Variants in SPPL3 observed in about 807,000 individuals in gnomAD.
SPPL3 encodes signal peptide peptidase like 3.
SPPL3 carries 5 observed loss-of-function variants against 42.4 expected under a neutral mutation model. The observed-to-expected ratio is 0.12, with a 90% CI of 0.06 to 0.25. The LOEUF is 0.25. Among genes scored for constraint, SPPL3 ranks in the 10% least tolerant of loss-of-function variants. SPPL3 has a pLI of 1.00. For synonymous variants in SPPL3, 195 were observed against 181.8 expected (o/e 1.07, Z -0.58); for missense variants, 235 against 489.0 (o/e 0.48, Z 4.90).
intron 6 of SPPL3, 72 bp from the exon 7 acceptor site, chr12:120,769,131 T>C: frequency 8.1e-7 from 1 of 1,233,600 alleles, no homozygotes; most frequent in Non-Finnish European, 1.2e-6. Flanking sequence ...CCACAAGCTA[T>C]GGCCCTTCAC....
At chr12:120,785,701 T>G (rs553352161) in intron 3 of SPPL3, among the ~76,000 whole-genome samples, 1 of 151,902 alleles carries the variant, frequency 6.6e-6, no homozygotes, top group Admixed American at 6.6e-5. Context: ...CTGGGTGTGG[T>G]GGCTCATGCC....
intron 1 of SPPL3, among the ~76,000 whole-genome samples, chr12:120,854,357 A>C (rs1336736741): frequency 6.6e-6 from 1 of 152,248 alleles, no homozygotes; most frequent in Non-Finnish European, 1.5e-5. Context: ...TAAGTGTTGA[A>C]TTATATGTAT....
chr12:120,794,973 C>T (rs1055698411), intron 2 of SPPL3, among the ~76,000 whole-genome samples: 5 of 152,136 alleles, frequency 3.3e-5, no homozygotes, highest in Non-Finnish European at 7.3e-5. Flanking sequence ...TATATTGTAA[C>T]ATTCATGTAT....
At position 120,766,249 on chromosome 12, in the gene SPPL3, A is replaced by G. The variant is rs1421884199; in HGVS notation, c.1083+14T>C. On this transcript the variant is annotated intron_variant, in intron 10 of 10. Transcript: ENST00000353487. ...AAGTTATTGCTTTCACAGGTTTATAACTGCTGCTCTCACCTTTAAATAGGC... is the reference window on the plus strand; with the variant it reads ...AAGTTATTGCTTTCACAGGTTTATAGCTGCTGCTCTCACCTTTAAATAGGC... 6.4e-7 allele frequency: 1 copy of G among 1,557,760 alleles called. No individual in the cohort carries two copies. Among genetic ancestry groups the G allele is most frequent in the Non-Finnish European group, 8.7e-7 (1 of 1,149,288 alleles).
chr12:120,774,419 CCA>C (rs1239688630), intron 6 of SPPL3, among the ~76,000 whole-genome samples: 2 of 152,226 alleles, frequency 1.3e-5, no homozygotes, highest in South Asian at 2.1e-4. Flanking sequence ...GGCACAACCT[CCA>C]CAGAGTGGAG....
intron 5 of SPPL3, 123 bp downstream of exon 5, chr12:120,783,551 T>G: frequency 9.5e-6 from 8 of 843,492 alleles, no homozygotes; most frequent in Non-Finnish European, 1.4e-5. Context: ...TGTCACTTCC[T>G]GGTCTTTTGG....
At chr12:120,845,725 G>GGT (rs2137029824) in intron 1 of SPPL3, 1 of 154,252 alleles carries the variant, frequency 6.5e-6, no homozygotes, top group South Asian at 1.1e-4. Context: ...GCCAGGTACT[G>GGT]TTTTGCTCCC....
chr12:120,885,053 G>A (rs1212379888), intron 1 of SPPL3, among the ~76,000 whole-genome samples: 2 of 151,724 alleles, frequency 1.3e-5, no homozygotes, highest in African/African-American at 4.8e-5. Flanking sequence ...GCACTCAGTT[G>A]GGAACAAACA....
At chr12:120,857,759 C>A (rs1174512159) in intron 1 of SPPL3, among the ~76,000 whole-genome samples, 1 of 152,104 alleles carries the variant, frequency 6.6e-6, no homozygotes, top group Admixed American at 6.5e-5. Context: ...TAAGCGGGAA[C>A]TGAACAATGA....
intron 1 of SPPL3, among the ~76,000 whole-genome samples, chr12:120,876,606 G>A (rs554403924): frequency 4.8e-4 from 37 of 77,464 alleles, no homozygotes; most frequent in Middle Eastern, 0.021. Context: ...GACAGAGCGA[G>A]ACTCTGTCTC....
chr12:120,813,202 T>A (rs1870741675), intron 1 of SPPL3, among the ~76,000 whole-genome samples: 1 of 151,888 alleles, frequency 6.6e-6, no homozygotes, highest in Admixed American at 6.6e-5. Flanking sequence ...GAGGAAAGAC[T>A]GATGCATACA....
At chr12:120,827,286 C>G (rs577187613) in intron 1 of SPPL3, among the ~76,000 whole-genome samples, 3 of 149,578 alleles carry the variant, frequency 2.0e-5, no homozygotes, top group Non-Finnish European at 3.0e-5. Context: ...TTTGAAAGGC[C>G]TATGAGACCA....
chr12:120,799,141 G>A (rs984707244), intron 2 of SPPL3, among the ~76,000 whole-genome samples: 7 of 152,112 alleles, frequency 4.6e-5, no homozygotes, highest in Non-Finnish European at 5.9e-5. Flanking sequence ...TTCAAAATGC[G>A]TTTAATATTC....
intron 1 of SPPL3, among the ~76,000 whole-genome samples, chr12:120,822,984 C>T (rs1871116564): frequency 6.6e-6 from 1 of 151,378 alleles, no homozygotes; most frequent in Non-Finnish European, 1.5e-5. Context: ...AACAGGGAGA[C>T]AAAAAGAAGT....
intron 6 of SPPL3, among the ~76,000 whole-genome samples, chr12:120,771,940 G>GA (rs1217256017): frequency 6.6e-5 from 10 of 152,180 alleles, no homozygotes; most frequent in Non-Finnish European, 1.5e-4. Flanking sequence ...CCTTCATATG[G>GA]AAAATCCATC....
intron 1 of SPPL3, among the ~76,000 whole-genome samples, chr12:120,874,409 C>T (rs1198880678): frequency 1.7e-4 from 24 of 142,062 alleles, no homozygotes; most frequent in South Asian, 4.5e-4. Flanking sequence ...GCTGAGATTG[C>T]GCCACTGCAC....
intron 1 of SPPL3, among the ~76,000 whole-genome samples, chr12:120,838,729 A>G (rs998486495): frequency 6.6e-6 from 1 of 152,228 alleles, no homozygotes; most frequent in Non-Finnish European, 1.5e-5. Context: ...CCATTCCAAG[A>G]GAGTGGTCAG....
intron 1 of SPPL3, among the ~76,000 whole-genome samples, chr12:120,872,139 T>G (rs1053473670): frequency 3.9e-5 from 6 of 152,354 alleles, no homozygotes; most frequent in African/African-American, 1.4e-4. Context: ...TATCATTGTA[T>G]TGTTATTATT....
chr12:120,845,716 C>G (rs1872005343), intron 1 of SPPL3: 1 of 238,968 alleles, frequency 4.2e-6, no homozygotes, highest in Non-Finnish European at 8.7e-6. Flanking sequence ...CTGCTCCGAG[C>G]CAGGTACTGT....
Sources: allele counts gnomAD v4.1 joint callset (sites outside exome capture counted in the v4.1 genomes callset), GRCh38; gene constraint gnomAD v4.1.1; transcripts MANE v1.5; gene names NCBI Gene and HGNC (gene_info 2026-07-23, HGNC 2026-07-21).